RBFOX1: variants seen among roughly 807,000 people sequenced by gnomAD.
RBFOX1 encodes RNA binding protein fox-1 homolog 1.
In RBFOX1, 8 loss-of-function variants were observed where a neutral mutation model predicts 57.7. That is an observed-to-expected ratio of 0.14 (90% confidence interval 0.08 to 0.25). RBFOX1 has a LOEUF of 0.25. RBFOX1 is among the 10% of genes least tolerant of loss of function. RBFOX1 has a pLI of 1.00. For missense variants in RBFOX1, 611 were observed against 548.5 expected (o/e 1.11, Z -1.14); for synonymous variants, 326 against 222.4 (o/e 1.47, Z -4.15).
chr16:7,131,271 G>T, intron 4 of RBFOX1, among the ~76,000 whole-genome samples: 1 of 150,108 alleles, frequency 6.7e-6, no homozygotes, highest in East Asian at 2.0e-4. Flanking sequence ...GCTTCGACCT[G>T]GGAAGCGGAG....
chr16:7,049,779 G>A (rs7191763), intron 3 of RBFOX1, among the ~76,000 whole-genome samples: 14,254 of 152,172 alleles, frequency 0.094, 1,024 homozygotes, highest in East Asian at 0.28. Flanking sequence ...TTCAGTGGGG[G>A]AAACAGGATG....
chr16:7,236,818 A>G (rs1328439294), intron 4 of RBFOX1, among the ~76,000 whole-genome samples: 3 of 152,176 alleles, frequency 2.0e-5, no homozygotes, highest in Admixed American at 6.5e-5. Flanking sequence ...GTTTGTCAAC[A>G]TATCTTGTCC....
At chr16:6,638,457 G>C (rs986823915) in intron 2 of RBFOX1, among the ~76,000 whole-genome samples, 64 of 152,120 alleles carry the variant, frequency 4.2e-4, no homozygotes, top group African/African-American at 1.5e-3. Flanking sequence ...AAACTCAAGG[G>C]CCACGCATTG....
At chr16:6,415,962 T>G (rs557107411) in intron 2 of RBFOX1, among the ~76,000 whole-genome samples, 2 of 152,372 alleles carry the variant, frequency 1.3e-5, no homozygotes, top group South Asian at 2.1e-4. Flanking sequence ...TTCCTTGTGC[T>G]TGTCACAATA....
intron 4 of RBFOX1, among the ~76,000 whole-genome samples, chr16:5,914,463 C>T (rs894544118): frequency 1.3e-5 from 2 of 152,074 alleles, no homozygotes; most frequent in Non-Finnish European, 2.9e-5. Context: ...TAACCTTTGG[C>T]AGATCCTGGA....
chr16:6,279,153 G>A (rs1441289313), intron 1 of RBFOX1, among the ~76,000 whole-genome samples: 1 of 152,062 alleles, frequency 6.6e-6, no homozygotes, highest in Non-Finnish European at 1.5e-5. Flanking sequence ...GTGTTTATGG[G>A]TATTATAAAA....
chr16:6,949,257 C>G (rs1243117356), intron 3 of RBFOX1, among the ~76,000 whole-genome samples: 2 of 152,034 alleles, frequency 1.3e-5, no homozygotes, highest in Middle Eastern at 3.2e-3. Context: ...CAACAAGAAA[C>G]AGGCTCAATT....
At chr16:5,252,387 G>A (rs755865573) in intron 1 of RBFOX1, among the ~76,000 whole-genome samples, 8 of 152,208 alleles carry the variant, frequency 5.3e-5, no homozygotes, top group Admixed American at 5.2e-4. Flanking sequence ...AAAATGATTT[G>A]TTGTTTATCT....
At chr16:5,704,566 A>G (rs2051171044) in intron 3 of RBFOX1, among the ~76,000 whole-genome samples, 1 of 152,214 alleles carries the variant, frequency 6.6e-6, no homozygotes, top group African/African-American at 2.4e-5. Context: ...CCTCGGAGAT[A>G]AATCATCCCT....
chr16:7,439,692 G>A (rs1329113439), intron 4 of RBFOX1, among the ~76,000 whole-genome samples: 1 of 152,162 alleles, frequency 6.6e-6, no homozygotes, highest in Non-Finnish European at 1.5e-5. Flanking sequence ...TCATGCAAGT[G>A]CTGTCTCATT....
chr16:6,656,271 T>C (rs1453507874), intron 3 of RBFOX1, among the ~76,000 whole-genome samples: 2 of 152,308 alleles, frequency 1.3e-5, no homozygotes, highest in South Asian at 2.1e-4. Context: ...TCTTGGACTT[T>C]TATGGAATTC....
chr16:6,533,584 A>AT lies in RBFOX1; in HGVS notation c.-63-121007dup, dbSNP rs375084936. Reference sequence around the variant, plus strand: ...ATATGGTAACATACAGAGTCAAGTGATTTTTTTTTTTTCCTTGAAAAAGCA... The same window carrying AT: ...ATATGGTAACATACAGAGTCAAGTGATTTTTTTTTTTTTCCTTGAAAAAGCA... On this transcript the variant is annotated intron_variant, in intron 2 of 15. Transcript: ENST00000550418. Among the ~76,000 whole-genome samples, 851 of 149,122 alleles carry AT rather than the reference A, an allele frequency of 5.7e-3. 6 individuals carry two copies. The highest frequency in any genetic ancestry group is 0.017 in the African/African-American group (706 of 40,454).
intron 4 of RBFOX1, among the ~76,000 whole-genome samples, chr16:5,872,576 A>T (rs941603295): frequency 6.6e-6 from 1 of 151,992 alleles, no homozygotes; most frequent in Non-Finnish European, 1.5e-5. Flanking sequence ...CTCTACAGAA[A>T]GAAAAAAAAA....
intron 4 of RBFOX1, among the ~76,000 whole-genome samples, chr16:7,486,886 T>G (rs2065543762): frequency 6.6e-6 from 1 of 152,110 alleles, no homozygotes; most frequent in African/African-American, 2.4e-5. Flanking sequence ...CAAACACAAT[T>G]CTCACTTCAA....
At chr16:6,125,749 C>A (rs573394768) in intron 1 of RBFOX1, among the ~76,000 whole-genome samples, 1 of 152,188 alleles carries the variant, frequency 6.6e-6, no homozygotes, top group African/African-American at 2.4e-5. Context: ...AATGCAATTA[C>A]CATCCTTGGC....
chr16:7,270,258 C>G (rs1040763115), intron 4 of RBFOX1, among the ~76,000 whole-genome samples: 1 of 152,146 alleles, frequency 6.6e-6, no homozygotes. Context: ...AGGAAAGCAG[C>G]CTCATTGAAG....
At chr16:7,687,853 C>T (rs2076397109) in intron 14 of RBFOX1, among the ~76,000 whole-genome samples, 1 of 151,988 alleles carries the variant, frequency 6.6e-6, no homozygotes, top group African/African-American at 2.4e-5. Context: ...GAGAGGTATT[C>T]ATACAGTGAG....
intron 4 of RBFOX1, among the ~76,000 whole-genome samples, chr16:7,320,155 G>T (rs28473202): frequency 0.19 from 29,090 of 151,996 alleles, 4,492 homozygotes; most frequent in African/African-American, 0.43. Flanking sequence ...CATGGTGGTT[G>T]TCTGCACCCA....
At chr16:6,793,028 GAA>G (rs71145295) in intron 3 of RBFOX1, among the ~76,000 whole-genome samples, 39 of 136,478 alleles carry the variant, frequency 2.9e-4, no homozygotes, top group African/African-American at 1.0e-3. Context: ...GACTCCATCT[GAA>G]AAAAAAAAAA....
Sources: gnomAD v4.1 joint callset for allele counts (sites outside exome capture counted in the v4.1 genomes callset) on GRCh38, gnomAD v4.1.1 for gene constraint, MANE v1.5 for transcripts, NCBI Gene and HGNC (gene_info 2026-07-23, HGNC 2026-07-21) for gene names.